Variants in PHEX observed in about 807,000 individuals in gnomAD.
PHEX encodes the protein phosphate-regulating neutral endopeptidase PHEX.
Under a neutral mutation model 68.0 loss-of-function variants are expected in PHEX, and 16 were observed. That is an observed-to-expected ratio of 0.24 (90% CI 0.16 to 0.36). The LOEUF is 0.36. PHEX is among the 10% of genes least tolerant of loss of function. The pLI is 1.00. For missense variants in PHEX, 480 were observed against 575.5 expected (o/e 0.83, Z 1.70); for synonymous variants, 208 against 205.1 (o/e 1.01, Z -0.12).
chrX:22,182,449 G>A (rs941257169), intron 14 of PHEX, among the ~76,000 whole-genome samples: 1 of 111,300 alleles, frequency 9.0e-6, no homozygotes, highest in African/African-American at 3.3e-5. Context: ...TGCCCATGTG[G>A]CTGCTGCTGG....
chrX:22,116,064 A>C (rs5951697), intron 11 of PHEX, among the ~76,000 whole-genome samples: 9,876 of 111,740 alleles, frequency 0.088, 1,022 homozygotes, highest in African/African-American at 0.3. Context: ...ACCAGTTTAC[A>C]TTCTTACCAA....
chrX:22,136,660 G>A (rs1176173369), intron 12 of PHEX, among the ~76,000 whole-genome samples: 1 of 111,813 alleles, frequency 8.9e-6, no homozygotes, highest in Admixed American at 9.5e-5. Flanking sequence ...CTCCTGAACC[G>A]GGCAGGTACA....
chrX:22,248,934 A>C lies in PHEX; in HGVS notation c.*981A>C. ...GAACATATGATTTTCATTTCCCTTTAGTGCAAAGGAACAAACATCACATTG... is the reference window on the plus strand; with the variant it reads ...GAACATATGATTTTCATTTCCCTTTCGTGCAAAGGAACAAACATCACATTG... On this transcript the variant is annotated 3_prime_UTR_variant, in exon 22 of 22. Transcript: ENST00000379374. 9.0e-6 allele frequency: 1 copy of C among 110,591 alleles called. No individual in the cohort carries two copies. The highest frequency in any genetic ancestry group is 3.3e-5 in the African/African-American group (1 of 30,524). The allele number at this position is 110,591 out of a possible 1,213,427, so 9.1% of individuals were successfully genotyped here. A position where few individuals can be genotyped will look rare whatever the true frequency, so the allele number is the denominator to read the frequency against.
At chrX:22,060,031 T>C (rs1005347314) in intron 3 of PHEX, among the ~76,000 whole-genome samples, 4 of 110,078 alleles carry the variant, frequency 3.6e-5, no homozygotes, top group Non-Finnish European at 7.6e-5. Flanking sequence ...AGTGTACATC[T>C]GTAGTCCCAG....
intron 17 of PHEX, 125 bp downstream of exon 17, chrX:22,219,228 G>T: frequency 1.9e-6 from 1 of 522,237 alleles, no homozygotes; most frequent in Non-Finnish European, 3.3e-6. Context: ...AAAGCAATAT[G>T]ATTGCTGATT....
At chrX:22,060,187 G>A (rs757620557) in intron 3 of PHEX, among the ~76,000 whole-genome samples, 7 of 108,000 alleles carry the variant, frequency 6.5e-5, no homozygotes, top group Admixed American at 1.0e-4. Context: ...ATTCTTATTC[G>A]AAGTGATATA....
chrX:22,118,508 G>C (rs976870607), intron 11 of PHEX, among the ~76,000 whole-genome samples: 1 of 110,510 alleles, frequency 9.0e-6, no homozygotes, highest in African/African-American at 3.3e-5. Context: ...GGTTTAAATG[G>C]ACTGTGAAAA....
Position 22,248,437 on chromosome X carries a change from A to AATT in PHEX, c.*486_*488dup, listed in dbSNP as rs1316209417. On this transcript the variant is annotated 3_prime_UTR_variant, in exon 22 of 22. Transcript: ENST00000379374. ...TGCAGTGCACGTTTTTATGGACAGT[A>AATT]ATTACACAGCATTCCTCAACTGTAA... The AATT allele has an allele frequency of 2.4e-5, 3 of 127,571 alleles. No individual in the cohort carries two copies. The Admixed American group carries it at 2.4e-4, about 10-fold the overall frequency. The allele number at this position is 127,571 out of a possible 1,213,427, so 10.5% of individuals were successfully genotyped here.
chrX:22,127,862 A>G (rs1931803525), intron 11 of PHEX, among the ~76,000 whole-genome samples: 1 of 108,404 alleles, frequency 9.2e-6, no homozygotes, highest in African/African-American at 3.3e-5. Flanking sequence ...GAGTTACCGA[A>G]GTGTGGATTC....
intron 20 of PHEX, among the ~76,000 whole-genome samples, chrX:22,235,094 C>T (rs919239788): frequency 5.4e-5 from 6 of 111,192 alleles, no homozygotes; most frequent in South Asian, 3.8e-4. Context: ...GAAAATTCCC[C>T]GACCCCTTGC....
In PHEX at chrX:22,060,620, G is replaced by A. The variant is rs767610806; in HGVS notation, c.349+13409G>A. ...AATGAATGGGAAAGCAGACAAGGGGGCATTTTTGTAGCATAAATATTGCCA... is the reference window on the plus strand; with the variant it reads ...AATGAATGGGAAAGCAGACAAGGGGACATTTTTGTAGCATAAATATTGCCA... On this transcript the variant is annotated intron_variant, in intron 3 of 21. Transcript: ENST00000379374. Among the ~76,000 whole-genome samples, 15 of 112,103 alleles carry A rather than the reference G, an allele frequency of 1.3e-4. No individual in the cohort carries two copies. In the South Asian group the frequency reaches 4.4e-3, roughly 33 times the overall value.
intron 3 of PHEX, among the ~76,000 whole-genome samples, chrX:22,059,409 A>G (rs897636264): frequency 8.9e-6 from 1 of 112,283 alleles, no homozygotes; most frequent in Non-Finnish European, 1.9e-5. Context: ...CACTACTTCA[A>G]AATTATAGTA....
intron 12 of PHEX, 113 bp downstream of exon 12, chrX:22,133,737 G>C: frequency 7.0e-6 from 4 of 568,673 alleles, no homozygotes; most frequent in Non-Finnish European, 1.2e-5. Context: ...GACTCTGAAT[G>C]ACCCCAGAGT....
chrX:22,049,027 T>C (rs1222291072), intron 3 of PHEX, among the ~76,000 whole-genome samples: 1 of 112,416 alleles, frequency 8.9e-6, no homozygotes, highest in Non-Finnish European at 1.9e-5. Flanking sequence ...TTTTTAAAAT[T>C]AGTTGGTATT....
intron 6 of PHEX, among the ~76,000 whole-genome samples, chrX:22,092,512 A>G (rs1340672464): frequency 9.1e-6 from 1 of 109,804 alleles, no homozygotes; most frequent in East Asian, 2.9e-4. Context: ...AGCTGGGATT[A>G]TGGGCATGCA....
At chrX:22,190,417 C>A (rs987194758) in intron 14 of PHEX, 27 bp from the exon 15 acceptor site, 1 of 1,111,773 alleles carries the variant, frequency 9.0e-7, no homozygotes. Flanking sequence ...GATGATTGCT[C>A]TCTGGCATTT....
At chrX:22,228,484 T>A (rs769770945) in intron 20 of PHEX, among the ~76,000 whole-genome samples, 1 of 109,567 alleles carries the variant, frequency 9.1e-6, no homozygotes, top group South Asian at 3.8e-4. Flanking sequence ...TTGCCTGCGG[T>A]CTTTTATTTC....
chrX:22,230,460 T>TG (rs1259788192), intron 20 of PHEX, among the ~76,000 whole-genome samples: 2 of 84,441 alleles, frequency 2.4e-5, no homozygotes, highest in Non-Finnish European at 4.8e-5. Context: ...CCTTGAGCAG[T>TG]GGTTTGTAGT....
At chrX:22,117,341 A>G (rs530517680) in intron 11 of PHEX, among the ~76,000 whole-genome samples, 15 of 111,899 alleles carry the variant, frequency 1.3e-4, no homozygotes, top group Middle Eastern at 4.6e-3. Context: ...TCTGGGAACA[A>G]ATTGACCTAT....
Sources: allele counts gnomAD v4.1 joint callset (sites outside exome capture counted in the v4.1 genomes callset), GRCh38; gene constraint gnomAD v4.1.1; transcripts MANE v1.5; gene names NCBI Gene and HGNC (gene_info 2026-07-23, HGNC 2026-07-21).